MEF2A: variants seen among roughly 807,000 people sequenced by gnomAD.
MEF2A encodes myocyte enhancer factor 2A, also known as myocyte-specific enhancer factor 2A.
MEF2A carries 28 observed loss-of-function variants against 55.8 expected under a neutral mutation model. That is an observed-to-expected ratio of 0.50 (90% CI 0.37 to 0.69). The LOEUF (loss-of-function observed/expected upper bound fraction) is 0.69, where lower values mean the gene tolerates loss of function less well. MEF2A is among the 30% of genes least tolerant of loss of function. The probability of loss-of-function intolerance (pLI) is 0.00; values close to 1 mark genes in which losing one functional copy is unlikely to be tolerated. For synonymous variants in MEF2A, 239 were observed against 227.1 expected (o/e 1.05, Z -0.47); for missense variants, 528 against 626.2 (o/e 0.84, Z 1.67).
At chr15:99,677,818 C>G (rs1379560077) in intron 7 of MEF2A, among the ~76,000 whole-genome samples, 1 of 152,152 alleles carries the variant, frequency 6.6e-6, no homozygotes, top group Non-Finnish European at 1.5e-5. Context: ...ACCTCCTTCT[C>G]AGGAAGTCAG....
At chr15:99,666,972 A>T (rs1351130693) in intron 4 of MEF2A, among the ~76,000 whole-genome samples, 1 of 152,260 alleles carries the variant, frequency 6.6e-6, no homozygotes, top group African/African-American at 2.4e-5. Context: ...GAAAGGCCAC[A>T]GGCCCTGTCT....
intron 8 of MEF2A, among the ~76,000 whole-genome samples, chr15:99,691,000 A>AATAG (rs1202301639): frequency 6.6e-6 from 1 of 152,192 alleles, no homozygotes; most frequent in Non-Finnish European, 1.5e-5. Context: ...TACTCAAGGT[A>AATAG]ATAGATGCCC....
intron 2 of MEF2A, among the ~76,000 whole-genome samples, chr15:99,611,947 T>A (rs556142757): frequency 5.5e-4 from 83 of 152,278 alleles, no homozygotes; most frequent in African/African-American, 1.9e-3. Context: ...ATTGTATATT[T>A]CCAGAATAGG....
chr15:99,683,185 A>G (rs970745707), intron 7 of MEF2A, among the ~76,000 whole-genome samples: 6 of 152,310 alleles, frequency 3.9e-5, no homozygotes, highest in African/African-American at 9.6e-5. Context: ...AAATTACTCT[A>G]TGGGGTGTGG....
chr15:99,710,662 A>C lies in MEF2A; in HGVS notation c.1038A>C (p.Ser346=). The C allele has an allele frequency of 1.2e-6, 2 of 1,613,634 alleles. No homozygotes were observed. The highest frequency in any genetic ancestry group is 1.7e-6 in the Non-Finnish European group (2 of 1,179,562). The change falls in exon 11 of 12, where the codon TCA becomes TCC. Residue 346 remains serine (S), a synonymous_variant. Coordinates refer to ENST00000557942, the MANE Select transcript of MEF2A (RefSeq NM_001319206.4). ...ATTCACTGACCAGCGCTGACCTGTC[A>C]GCCCTTCAAGGCTTCAACTCGCCAG... ...TDYSLTSADL[S]ALQGFNSPGM...
chr15:99,690,727 T>TC, intron 8 of MEF2A: 1 of 494,372 alleles, frequency 2.0e-6, no homozygotes, highest in Non-Finnish European at 3.9e-6. Flanking sequence ...CTGCAAGGTC[T>TC]CACTCATGTG....
At chr15:99,651,343 T>A (rs1302029996) in intron 4 of MEF2A, among the ~76,000 whole-genome samples, 1 of 152,204 alleles carries the variant, frequency 6.6e-6, no homozygotes, top group African/African-American at 2.4e-5. Flanking sequence ...ATGCTTGGAT[T>A]TTCTGACAGT....
At chr15:99,652,637 A>G (rs939634963) in intron 4 of MEF2A, among the ~76,000 whole-genome samples, 4 of 152,204 alleles carry the variant, frequency 2.6e-5, no homozygotes, top group Admixed American at 6.5e-5. Context: ...GAAGTAAACC[A>G]GGTCCACATG....
rs3979129 is a variant in MEF2A, at chr15:99,695,541, T to TTGTGTGTGTGTGTGTGTGTGTGTGTG, written c.858+5117_858+5142dup. On this transcript the variant is annotated intron_variant, in intron 8 of 11. Transcript: ENST00000557942. ...AGCGTCAGTTAAAAGATTGTCAGAT[T>TTGTGTGTGTGTGTGTGTGTGTGTGTG]TGTGTGTGTGTGTGTGTGTGTGTGT... Among the ~76,000 whole-genome samples, 931 of 144,848 alleles carry TTGTGTGTGTGTGTGTGTGTGTGTGTG rather than the reference T, an allele frequency of 6.4e-3. 13 individuals carry two copies. Among genetic ancestry groups the TTGTGTGTGTGTGTGTGTGTGTGTGTG allele is most frequent in the East Asian group, 0.036 (172 of 4,820 alleles).
chr15:99,566,670 C>G (rs957899843), intron 1 of MEF2A: 4 of 152,390 alleles, frequency 2.6e-5, no homozygotes, highest in African/African-American at 9.6e-5. Context: ...GGATTAGCCC[C>G]AAGTGCGGGG....
At chr15:99,576,032 T>C (rs1964160798) in intron 1 of MEF2A, among the ~76,000 whole-genome samples, 1 of 152,236 alleles carries the variant, frequency 6.6e-6, no homozygotes, top group Admixed American at 6.5e-5. Context: ...AGGCTCATCT[T>C]ATGGTCATCT....
intron 1 of MEF2A, among the ~76,000 whole-genome samples, chr15:99,591,532 ATG>A (rs1273265393): frequency 3.9e-5 from 6 of 151,992 alleles, no homozygotes; most frequent in Non-Finnish European, 7.4e-5. Flanking sequence ...TGCTTTATGT[ATG>A]TTGAGTTTCT....
At chr15:99,603,543 TTGTGTG>T (rs1300288383) in intron 2 of MEF2A, among the ~76,000 whole-genome samples, 42 of 126,494 alleles carry the variant, frequency 3.3e-4, no homozygotes, top group Middle Eastern at 3.9e-3. Context: ...CTGGCTGATT[TTGTGTG>T]TGTGTGTGTG....
intron 1 of MEF2A, among the ~76,000 whole-genome samples, chr15:99,570,443 A>T (rs1467727355): frequency 6.6e-6 from 1 of 152,216 alleles, no homozygotes; most frequent in Non-Finnish European, 1.5e-5. Flanking sequence ...ATATGGACTT[A>T]AAAAAATTCT....
chr15:99,712,026 G>A lies in MEF2A; in HGVS notation c.1137-364G>A, dbSNP rs978249865. ...CTGTCACAGGGCCAGAGCAGATGGG[G>A]AGCAGATGCTGAGGAAGAAGAGGCG... is the stretch of plus-strand genomic sequence containing the variant. On this transcript the variant is annotated intron_variant, in intron 11 of 11. Coordinates refer to ENST00000557942, the MANE Select transcript of MEF2A (RefSeq NM_001319206.4). This position sits in a 1 kb window ranked among gnomAD's most constrained non-coding sequence, Gnocchi z 4.1. 2.0e-5 allele frequency among the ~76,000 whole-genome samples: 3 copies of A among 152,244 alleles called. No individual in the cohort carries two copies. The highest frequency in any genetic ancestry group is 1.3e-4 in the Admixed American group (2 of 15,290).
chr15:99,705,157 C>CT (rs2153806508), intron 9 of MEF2A, among the ~76,000 whole-genome samples: 1 of 152,310 alleles, frequency 6.6e-6, no homozygotes, highest in East Asian at 1.9e-4. Context: ...GACAGGTGCC[C>CT]TGGGGCCTGC....
At chr15:99,606,890 G>A (rs1484234940) in intron 2 of MEF2A, among the ~76,000 whole-genome samples, 1 of 152,104 alleles carries the variant, frequency 6.6e-6, no homozygotes, top group Non-Finnish European at 1.5e-5. Context: ...GTTGGTAGCT[G>A]TTTGTAATAG....
intron 5 of MEF2A, among the ~76,000 whole-genome samples, chr15:99,674,152 T>C (rs1043056561): frequency 5.3e-5 from 8 of 152,204 alleles, no homozygotes; most frequent in African/African-American, 1.9e-4. Flanking sequence ...ATTTGAAATA[T>C]AGAATATAGA....
intron 2 of MEF2A, among the ~76,000 whole-genome samples, chr15:99,601,510 G>GT (rs34835966): frequency 0.29 from 33,254 of 113,620 alleles, 5,130 homozygotes; most frequent in East Asian, 0.45. Flanking sequence ...CTTGGTCAGA[G>GT]TTTTTTTTTT....
Sources: allele counts gnomAD v4.1 joint callset (sites outside exome capture counted in the v4.1 genomes callset), GRCh38; gene constraint gnomAD v4.1.1; non-coding constraint Gnocchi (gnomAD v3.1); transcripts MANE v1.5; gene names NCBI Gene and HGNC (gene_info 2026-07-23, HGNC 2026-07-21).